The following WLS variants were observed in gnomAD, a reference collection of about 807,000 sequenced individuals.
WLS encodes the protein protein wntless homolog.
WLS carries 23 observed loss-of-function variants against 62.8 expected under a neutral mutation model. The ratio of observed to expected loss-of-function variants is 0.37; its 90% CI spans 0.26 to 0.52. The LOEUF (loss-of-function observed/expected upper bound fraction) is 0.52, where lower values mean the gene tolerates loss of function less well. Among genes scored for constraint, WLS ranks in the 20% least tolerant of loss-of-function variants. WLS has a pLI of 0.92. For missense variants in WLS, 615 were observed against 697.3 expected, an observed-to-expected ratio of 0.88 and a Z score of 1.33; for synonymous variants, 246 against 244.1, an observed-to-expected ratio of 1.01 and a Z score of -0.07.
chr1:68,215,773 G>A (rs1649701853), intron 1 of WLS, among the ~76,000 whole-genome samples: 1 of 152,118 alleles, frequency 6.6e-6, no homozygotes, highest in Non-Finnish European at 1.5e-5. Context: ...ATGTTTATTA[G>A]CATGGCTTAA....
At chr1:68,111,934 T>G (rs1646233643) in intron 11 of WLS, among the ~76,000 whole-genome samples, 1 of 152,234 alleles carries the variant, frequency 6.6e-6, no homozygotes, top group Non-Finnish European at 1.5e-5. Flanking sequence ...AAAACTGGCT[T>G]GCTCTGGTAC....
rs79279792 is a variant in WLS at position 68,128,728 on chromosome 1, C to T, written c.1517-2393G>A. 3.9e-3 allele frequency among the ~76,000 whole-genome samples: 593 copies of T among 152,290 alleles called. 4 individuals are homozygous for T. Among genetic ancestry groups the T allele is most frequent in the African/African-American group, 0.014 (577 of 41,552 alleles). On this transcript the variant is annotated intron_variant, in intron 11 of 11. Transcript: ENST00000262348. The stretch of plus-strand genomic sequence containing the variant: ...GATACCTATGTCATAATGCTTAACA[C>T]GTGCCTGACACAGTTCTAAATACTG...
chr1:68,133,528 G>A (rs947042058), intron 11 of WLS, among the ~76,000 whole-genome samples: 2 of 152,128 alleles, frequency 1.3e-5, no homozygotes, highest in African/African-American at 4.8e-5. Flanking sequence ...GATGGCACAA[G>A]GCTAAGTACT....
intron 1 of WLS, among the ~76,000 whole-genome samples, chr1:68,217,817 G>A (rs1649790751): frequency 1.3e-5 from 2 of 152,148 alleles, no homozygotes; most frequent in South Asian, 4.1e-4. Flanking sequence ...CCCTTTGTGA[G>A]AGGGGTCTGG....
intron 1 of WLS, among the ~76,000 whole-genome samples, chr1:68,230,588 C>CGCGTGTGTGTGTGT (rs1553139180): frequency 8.0e-5 from 12 of 149,156 alleles, no homozygotes; most frequent in African/African-American, 2.5e-4. Flanking sequence ...TGTGTGCGCG[C>CGCGTGTGTGTGTGT]GTGTGTGTGT....
intron 1 of WLS, chr1:68,231,638 G>A (rs1650425195): frequency 7.1e-6 from 3 of 422,796 alleles, no homozygotes; most frequent in Non-Finnish European, 1.4e-5. Context: ...CAGAGGGCGC[G>A]AAGGTCGGGA....
At chr1:68,138,965 A>G (rs1313826566) in intron 10 of WLS, among the ~76,000 whole-genome samples, 1 of 152,232 alleles carries the variant, frequency 6.6e-6, no homozygotes, top group East Asian at 1.9e-4. Flanking sequence ...CCTGTTTATG[A>G]TACAGTGGGT....
chr1:68,137,476 C>T (rs144248951), intron 11 of WLS, among the ~76,000 whole-genome samples: 134 of 152,158 alleles, frequency 8.8e-4, no homozygotes, highest in African/African-American at 3.1e-3. Flanking sequence ...CAATTGTGCT[C>T]AAAAATGTAA....
chr1:68,224,227 A>T (rs148517611), intron 1 of WLS, among the ~76,000 whole-genome samples: 14 of 152,282 alleles, frequency 9.2e-5, no homozygotes, highest in Non-Finnish European at 2.9e-5. Context: ...AGAAAATTAA[A>T]CTTGAAGGCC....
downstream of WLS, among the ~76,000 whole-genome samples, chr1:68,123,728 ACTGGCACAGGG>A (rs1646390633): frequency 6.6e-6 from 1 of 152,110 alleles, no homozygotes; most frequent in Non-Finnish European, 1.5e-5. Context: ...GTCACAGGTG[ACTGGCACAGGG>A]ACAGCCACCT....
chr1:68,167,785 G>T (rs533308051), intron 2 of WLS, among the ~76,000 whole-genome samples: 6 of 152,256 alleles, frequency 3.9e-5, no homozygotes, highest in African/African-American at 1.2e-4. Flanking sequence ...GTTGGGTGGA[G>T]AATTCATTCA....
intron 11 of WLS, among the ~76,000 whole-genome samples, chr1:68,105,096 T>C (rs1396563570): frequency 1.3e-5 from 2 of 152,194 alleles, no homozygotes; most frequent in Non-Finnish European, 2.9e-5. Flanking sequence ...TAAGGTTAGA[T>C]GTCTGATCTA....
At chr1:68,212,224 C>A (rs1649542937) in intron 1 of WLS, among the ~76,000 whole-genome samples, 1 of 152,106 alleles carries the variant, frequency 6.6e-6, no homozygotes, top group Admixed American at 6.5e-5. Context: ...GACCTCATCT[C>A]GACAAAGGAT....
Position 68,153,512 on chromosome 1 carries a change from C to CTTACT in WLS, c.803_803+4dup. ...CCTGAAGAGCGCTCCAAAACCAGCT[C>CTTACT]TTACTTTTCCAGAAGCACTGGGGGT... is the stretch of plus-strand genomic sequence containing the variant. On this transcript the variant is annotated splice_donor_region_variant and intron_variant, in intron 5 of 11. Transcript: ENST00000262348. 6.2e-7 allele frequency: 1 copy of CTTACT among 1,614,034 alleles called. No individual in the cohort carries two copies. Among genetic ancestry groups the CTTACT allele is most frequent in the Non-Finnish European group, 8.5e-7 (1 of 1,179,992 alleles).
At chr1:68,161,652 A>G in intron 2 of WLS, 1 of 890,930 alleles carries the variant, frequency 1.1e-6, no homozygotes, top group Non-Finnish European at 1.8e-6. Context: ...TAAGTCCAGA[A>G]TCAGTTACAA....
At chr1:68,220,359 T>C (rs532815812) in intron 1 of WLS, among the ~76,000 whole-genome samples, 45 of 152,204 alleles carry the variant, frequency 3.0e-4, no homozygotes, top group Non-Finnish European at 5.3e-4. Flanking sequence ...AACCTCTCCT[T>C]CAGAGAAATG....
chr1:68,116,831 T>C (rs1570814946), intron 11 of WLS, among the ~76,000 whole-genome samples: 1 of 152,164 alleles, frequency 6.6e-6, no homozygotes. Context: ...ATTGTTTATC[T>C]TGGCCAGCAG....
rs191705869 is a variant in WLS at position 68,148,632 on chromosome 1, C to G, written c.1001G>C (p.Gly334Ala). Residue 334 changes from glycine to alanine, a missense_variant, in exon 7 of 12, where the codon GGG (glycine) becomes GCG (alanine). Transcript: ENST00000262348. Reference protein sequence around the residue: ...MDQHERNHIAGYWKQVGPIAV... With the variant: ...MDQHERNHIAAYWKQVGPIAV... Reference sequence around the variant, plus strand: ...AATGGGTCCGACTTGCTTCCAATACCCTGCGATGTGGTTCCGCTCGTGCTG... The same window carrying G: ...AATGGGTCCGACTTGCTTCCAATACGCTGCGATGTGGTTCCGCTCGTGCTG... The G allele has an allele frequency of 6.2e-6, 10 of 1,614,044 alleles. No individual in the cohort carries two copies. The highest frequency in any genetic ancestry group is 8.5e-6 in the Non-Finnish European group (10 of 1,180,004).
intron 2 of WLS, among the ~76,000 whole-genome samples, chr1:68,175,071 A>T (rs1647214481): frequency 6.6e-6 from 1 of 152,246 alleles, no homozygotes; most frequent in Admixed American, 6.5e-5. Flanking sequence ...CTGAATCTCC[A>T]TCAAAGAGGC....
Sources: gnomAD v4.1 joint callset for allele counts (sites outside exome capture counted in the v4.1 genomes callset) on GRCh38, gnomAD v4.1.1 for gene constraint, MANE v1.5 for transcripts, NCBI Gene and HGNC (gene_info 2026-07-23, HGNC 2026-07-21) for gene names.